The following SLC4A10 variants were observed in gnomAD, a reference collection of about 807,000 sequenced individuals.
SLC4A10 encodes the protein sodium-driven chloride bicarbonate exchanger.
A neutral mutation model predicts 137.7 loss-of-function variants in SLC4A10; 42 were observed. That is an observed-to-expected ratio of 0.30 (90% CI 0.24 to 0.39). The LOEUF is 0.39. Among genes scored for constraint, SLC4A10 ranks in the 10% least tolerant of loss-of-function variants. SLC4A10 has a pLI of 1.00. For missense variants in SLC4A10, 925 were observed against 1,355.0 expected (o/e 0.68, Z 4.98); for synonymous variants, 474 against 464.1 (o/e 1.02, Z -0.27).
chr2:161,819,002 A>C lies in SLC4A10; in HGVS notation c.277+14407A>C, dbSNP rs147614441. Among the ~76,000 whole-genome samples the C allele has an allele frequency of 6.9e-3, 1,053 of 152,294 alleles. 10 individuals carry two copies. The highest frequency in any genetic ancestry group is 0.037 in the Middle Eastern group (11 of 294). On this transcript the variant is annotated intron_variant, in intron 3 of 26. Transcript: ENST00000446997. ...TGATGCTGGCCTCATAAAATGAGTT[A>C]GGGAGGATTCCTTCTTTTTCTATCG... is the stretch of plus-strand genomic sequence containing the variant.
chr2:161,942,472 G>A (rs1692891100), intron 15 of SLC4A10, among the ~76,000 whole-genome samples: 1 of 151,948 alleles, frequency 6.6e-6, no homozygotes, highest in African/African-American at 2.4e-5. Flanking sequence ...TAATTGATAT[G>A]ATTTTACAAT....
In SLC4A10 at chr2:161,967,003, C is replaced by T. The variant is rs1325402558; in HGVS notation, c.3159+1830C>T. Among the ~76,000 whole-genome samples the T allele has an allele frequency of 2.0e-5, 3 of 152,236 alleles. No individual in the cohort carries two copies. In the South Asian group the frequency reaches 6.2e-4, roughly 32 times the overall value. ...TTAATTTAATTTTGATGAAAAAGCTCTTGGCTGTGAGCTTGCCTTTCAGTC... is the reference window on the plus strand; with the variant it reads ...TTAATTTAATTTTGATGAAAAAGCTTTTGGCTGTGAGCTTGCCTTTCAGTC... On this transcript the variant is annotated intron_variant, in intron 23 of 26. Coordinates refer to ENST00000446997, the MANE Select transcript of SLC4A10 (RefSeq NM_001178015.2).
chr2:161,903,985 G>A lies in SLC4A10; in HGVS notation c.1443-19G>A. The A allele has an allele frequency of 1.3e-6, 2 of 1,549,104 alleles. No homozygotes were observed. Among genetic ancestry groups the A allele is most frequent in the Non-Finnish European group, 1.7e-6 (2 of 1,145,570 alleles). On this transcript the variant is annotated intron_variant, in intron 12 of 26. Transcript: ENST00000446997. ...TTTTATATTTGGGTTTCACTATTGT[G>A]TTTTCCCCCCTGTCTTAGGATTTTT... is the stretch of plus-strand genomic sequence containing the variant.
intron 1 of SLC4A10, among the ~76,000 whole-genome samples, chr2:161,636,684 C>T (rs1229707472): frequency 6.6e-6 from 1 of 151,426 alleles, no homozygotes; most frequent in Non-Finnish European, 1.5e-5. Flanking sequence ...ACAGCCACCA[C>T]GCCTGACCTT....
intron 1 of SLC4A10, among the ~76,000 whole-genome samples, chr2:161,653,527 A>G (rs564651697): frequency 1.2e-4 from 19 of 152,332 alleles, no homozygotes; most frequent in Admixed American, 1.2e-3. Context: ...TGACTTTTTA[A>G]TAATCGCCAT....
intron 1 of SLC4A10, among the ~76,000 whole-genome samples, chr2:161,697,178 T>C (rs2042604837): frequency 6.6e-6 from 1 of 151,378 alleles, no homozygotes; most frequent in Non-Finnish European, 1.5e-5. Context: ...GTAAATTGGT[T>C]TGAATTCATT....
At chr2:161,631,338 T>C (rs2033513170) in intron 1 of SLC4A10, among the ~76,000 whole-genome samples, 1 of 151,844 alleles carries the variant, frequency 6.6e-6, no homozygotes, top group Non-Finnish European at 1.5e-5. Context: ...TAAGTTACTG[T>C]TTAGCATTAT....
chr2:161,978,213 T>C (rs1293233436), intron 26 of SLC4A10, among the ~76,000 whole-genome samples: 1 of 151,518 alleles, frequency 6.6e-6, no homozygotes, highest in Non-Finnish European at 1.5e-5. Flanking sequence ...GGTGAAACCT[T>C]TTCTGTACTA....
intron 1 of SLC4A10, among the ~76,000 whole-genome samples, chr2:161,632,146 C>G (rs543431688): frequency 1.1e-4 from 16 of 151,462 alleles, no homozygotes; most frequent in Non-Finnish European, 2.4e-4. Context: ...GTCTTTTTTC[C>G]CCCTTTTGAC....
intron 8 of SLC4A10, 119 bp from the exon 9 acceptor site, chr2:161,879,012 G>T: frequency 1.2e-6 from 1 of 808,796 alleles, no homozygotes. Flanking sequence ...GTTTAACTGT[G>T]TGTATTTATT....
intron 1 of SLC4A10, among the ~76,000 whole-genome samples, chr2:161,677,680 A>G (rs2040413560): frequency 5.3e-5 from 8 of 152,188 alleles, no homozygotes. Context: ...TTAGGGCTTT[A>G]CATCAGTTAT....
chr2:161,872,858 C>T (rs528430674), intron 7 of SLC4A10, among the ~76,000 whole-genome samples: 3 of 152,192 alleles, frequency 2.0e-5, no homozygotes, highest in East Asian at 3.9e-4. Context: ...GGATTACAGG[C>T]GTGCACCACT....
intron 5 of SLC4A10, among the ~76,000 whole-genome samples, chr2:161,858,323 G>T (rs558098395): frequency 9.9e-5 from 15 of 152,130 alleles, no homozygotes; most frequent in African/African-American, 3.4e-4. Flanking sequence ...GTTTTGATAT[G>T]TTTTTAACAG....
chr2:161,771,698 A>C (rs2051634170), intron 2 of SLC4A10, among the ~76,000 whole-genome samples: 1 of 151,914 alleles, frequency 6.6e-6, no homozygotes, highest in African/African-American at 2.4e-5. Flanking sequence ...TATGAGAATT[A>C]AGGGAAAATT....
intron 1 of SLC4A10, among the ~76,000 whole-genome samples, chr2:161,677,137 T>A (rs994579748): frequency 6.6e-6 from 1 of 151,826 alleles, no homozygotes; most frequent in African/African-American, 2.4e-5. Flanking sequence ...AGTGAGTGAG[T>A]TCTTACTCTT....
chr2:161,879,135 A>G lies in SLC4A10; in HGVS notation c.953A>G (p.Asp318Gly). ...GPPHQQEREV[D>G]LHFMKKIPPG... ...TTTACCTGGTGATGCTTGCAGGTTG[A>G]TCTGCATTTTATGAAAAAGATTCCT... The change falls in exon 9 of 27, where the codon GAT becomes GGT. Residue 318 changes from aspartate to glycine, a missense_variant. Asp to Gly is a moderately conservative substitution (Grantham distance 94). Coordinates refer to ENST00000446997, the MANE Select transcript of SLC4A10 (RefSeq NM_001178015.2). The G allele has an allele frequency of 6.2e-7, 1 of 1,612,804 alleles. No individual in the cohort carries two copies. The highest frequency in any genetic ancestry group is 8.5e-7 in the Non-Finnish European group (1 of 1,179,256).
intron 4 of SLC4A10, among the ~76,000 whole-genome samples, chr2:161,854,126 C>T (rs1162865575): frequency 6.6e-6 from 1 of 151,976 alleles, no homozygotes; most frequent in Non-Finnish European, 1.5e-5. Context: ...TGGAGGTAGG[C>T]AAGAAGATTT....
At chr2:161,903,347 A>G (rs1003833566) in intron 12 of SLC4A10, among the ~76,000 whole-genome samples, 5 of 152,206 alleles carry the variant, frequency 3.3e-5, no homozygotes, top group Non-Finnish European at 7.3e-5. Context: ...TTTTATTATT[A>G]TAAGGACTCC....
At chr2:161,852,334 A>T (rs1446079826) in intron 4 of SLC4A10, among the ~76,000 whole-genome samples, 1 of 152,216 alleles carries the variant, frequency 6.6e-6, no homozygotes, top group African/African-American at 2.4e-5. Context: ...ACATGCTATT[A>T]TATAGTCTCC....
Sources: gnomAD v4.1 joint callset for allele counts (sites outside exome capture counted in the v4.1 genomes callset) on GRCh38, gnomAD v4.1.1 for gene constraint, MANE v1.5 for transcripts, NCBI Gene and HGNC (gene_info 2026-07-23, HGNC 2026-07-21) for gene names.